Variants in EBF1 observed in about 807,000 individuals in gnomAD.
EBF1 encodes the protein EBF transcription factor 1.
In EBF1, 10 loss-of-function variants were observed where a neutral mutation model predicts 68.4. The ratio of observed to expected loss-of-function variants is 0.15; its 90% CI spans 0.09 to 0.25. EBF1 has a LOEUF of 0.25. Ranked by LOEUF, EBF1 falls within the 10% of genes least tolerant of loss-of-function variation. The pLI is 1.00. For missense variants in EBF1, 509 were observed against 794.4 expected (o/e 0.64, Z 4.32); for synonymous variants, 298 against 299.8 (o/e 0.99, Z 0.06).
chr5:158,714,930 T>C (rs1359372523), intron 11 of EBF1, among the ~76,000 whole-genome samples: 2 of 152,182 alleles, frequency 1.3e-5, no homozygotes, highest in Non-Finnish European at 2.9e-5. Context: ...TATCTCCCTC[T>C]TTTTACTTAG....
intron 10 of EBF1, among the ~76,000 whole-genome samples, chr5:158,751,255 T>C (rs1768829141): frequency 6.6e-6 from 1 of 151,892 alleles, no homozygotes; most frequent in Non-Finnish European, 1.5e-5. Flanking sequence ...TTAGCACATA[T>C]TATTTTTATA....
intron 6 of EBF1, among the ~76,000 whole-genome samples, chr5:158,841,569 C>T (rs904788076): frequency 6.6e-6 from 1 of 152,170 alleles, no homozygotes; most frequent in South Asian, 2.1e-4. Context: ...AGTAAAATCC[C>T]CATCTCAACA....
At chr5:158,903,792 A>G (rs1480004065) in intron 6 of EBF1, among the ~76,000 whole-genome samples, 2 of 152,114 alleles carry the variant, frequency 1.3e-5, no homozygotes, top group Non-Finnish European at 2.9e-5. Flanking sequence ...TGTATTCTCT[A>G]ATTATGAGCA....
At chr5:158,820,884 C>T (rs1284282497) in intron 8 of EBF1, among the ~76,000 whole-genome samples, 1 of 152,152 alleles carries the variant, frequency 6.6e-6, no homozygotes, top group Non-Finnish European at 1.5e-5. Context: ...AGGTCTCAAA[C>T]TGTTGACCTG....
chr5:158,796,567 T>C (rs1779649504), intron 8 of EBF1, 92 bp from the exon 9 acceptor site: 1 of 1,404,788 alleles, frequency 7.1e-7, no homozygotes, highest in African/African-American at 1.4e-5. Context: ...AAAAAAAATC[T>C]TTTATCTTTT....
intron 15 of EBF1, chr5:158,707,716 C>A: frequency 2.2e-6 from 1 of 461,806 alleles, no homozygotes; most frequent in Non-Finnish European, 3.9e-6. Context: ...TATTCCCAAG[C>A]AAATCCCGGG....
chr5:158,780,975 C>A (rs1561908252), intron 9 of EBF1, among the ~76,000 whole-genome samples: 1 of 152,154 alleles, frequency 6.6e-6, no homozygotes, highest in South Asian at 2.1e-4. Context: ...ACAAGCCAAA[C>A]AATTTGGGCT....
At chr5:158,764,054 A>G (rs1184117696) in intron 10 of EBF1, among the ~76,000 whole-genome samples, 1 of 152,200 alleles carries the variant, frequency 6.6e-6, no homozygotes, top group African/African-American at 2.4e-5. Context: ...TTTTATATGC[A>G]TGACCTTATC....
chr5:159,064,292 T>C (rs2127892325), intron 6 of EBF1, among the ~76,000 whole-genome samples: 1 of 152,238 alleles, frequency 6.6e-6, no homozygotes, highest in East Asian at 1.9e-4. Flanking sequence ...GTGCTGTGGA[T>C]AGCAAGAAAA....
chr5:159,001,518 A>G lies in EBF1; in HGVS notation c.554+71878T>C, dbSNP rs535759163. On this transcript the variant is annotated intron_variant, in intron 6 of 15. Coordinates refer to ENST00000313708, the MANE Select transcript of EBF1 (RefSeq NM_024007.5). ...AAATCATTTCATCCCTCTGAGCCTC[A>G]GTTTGCTTATCTGTAAAAGAAACGA... Among the ~76,000 whole-genome samples the G allele has an allele frequency of 2.6e-5, 4 of 152,280 alleles. No individual in the cohort carries two copies. In the South Asian group the frequency reaches 8.3e-4, roughly 32 times the overall value.
At chr5:158,715,452 TAAGATA>T (rs1423452128) in intron 11 of EBF1, among the ~76,000 whole-genome samples, 1 of 152,216 alleles carries the variant, frequency 6.6e-6, no homozygotes, top group African/African-American at 2.4e-5. Flanking sequence ...CTCTATAATA[TAAGATA>T]AAGTAGTTGT....
intron 10 of EBF1, among the ~76,000 whole-genome samples, chr5:158,745,022 T>A (rs1767233361): frequency 6.6e-6 from 1 of 152,182 alleles, no homozygotes. Flanking sequence ...GGACTTGTGC[T>A]CCGTCTCCTC....
intron 9 of EBF1, among the ~76,000 whole-genome samples, chr5:158,793,171 G>A (rs536128671): frequency 1.3e-5 from 2 of 152,278 alleles, no homozygotes; most frequent in South Asian, 4.1e-4. Context: ...ACGCAGTGGT[G>A]AGAATCCCAC....
At chr5:158,924,151 C>T (rs1273138387) in intron 6 of EBF1, among the ~76,000 whole-genome samples, 3 of 152,246 alleles carry the variant, frequency 2.0e-5, no homozygotes, top group African/African-American at 7.2e-5. Context: ...AGCCCATCTA[C>T]ATCAGCTCTG....
At chr5:158,983,393 A>ATG in intron 6 of EBF1, 1 of 152,252 alleles carries the variant, frequency 6.6e-6, no homozygotes, top group East Asian at 1.9e-4. Flanking sequence ...ACACAATTTG[A>ATG]ACTCTGCTGC....
intron 6 of EBF1, among the ~76,000 whole-genome samples, chr5:158,912,543 A>G (rs1423636482): frequency 6.6e-6 from 1 of 152,184 alleles, no homozygotes; most frequent in Non-Finnish European, 1.5e-5. Context: ...CCCCAGGCCT[A>G]CTGAACTAGA....
intron 6 of EBF1, among the ~76,000 whole-genome samples, chr5:159,015,706 T>C (rs1765497341): frequency 6.6e-6 from 1 of 152,180 alleles, no homozygotes; most frequent in African/African-American, 2.4e-5. Flanking sequence ...GAACACACAT[T>C]ATTCTGTAAG....
chr5:158,817,394 C>T (rs138165225), intron 8 of EBF1, among the ~76,000 whole-genome samples: 56 of 152,186 alleles, frequency 3.7e-4, no homozygotes, highest in African/African-American at 1.2e-3. Flanking sequence ...GGGGGCTCTA[C>T]CTTCCTGAAC....
intron 11 of EBF1, among the ~76,000 whole-genome samples, chr5:158,727,302 A>C (rs539509264): frequency 6.6e-6 from 1 of 152,180 alleles, no homozygotes; most frequent in Non-Finnish European, 1.5e-5. Flanking sequence ...AGGCTCACTG[A>C]CCACTCACGA....
Sources: allele counts gnomAD v4.1 joint callset (sites outside exome capture counted in the v4.1 genomes callset), GRCh38; gene constraint gnomAD v4.1.1; transcripts MANE v1.5; gene names NCBI Gene and HGNC (gene_info 2026-07-23, HGNC 2026-07-21).